The following ZNF609 variants were observed in gnomAD, a reference collection of about 807,000 sequenced individuals.
ZNF609 encodes zinc finger protein 609.
ZNF609 carries 11 observed loss-of-function variants against 109.5 expected under a neutral mutation model. The observed-to-expected ratio is 0.10, with a 90% CI of 0.06 to 0.17. The LOEUF is 0.17. Among genes scored for constraint, ZNF609 ranks in the 10% least tolerant of loss-of-function variants. The pLI is 1.00. For synonymous variants in ZNF609, 646 were observed against 662.0 expected (o/e 0.98, Z 0.37); for missense variants, 1,559 against 1,772.4 (o/e 0.88, Z 2.16).
intron 2 of ZNF609, among the ~76,000 whole-genome samples, chr15:64,520,860 C>T (rs951860467): frequency 6.6e-6 from 1 of 152,160 alleles, no homozygotes; most frequent in South Asian, 2.1e-4. Context: ...AATTATCAGC[C>T]GAAGAGATTA....
intron 3 of ZNF609, among the ~76,000 whole-genome samples, chr15:64,667,448 C>T (rs977015598): frequency 2.0e-5 from 3 of 152,148 alleles, no homozygotes; most frequent in Admixed American, 1.3e-4. Flanking sequence ...GTGGCTAACA[C>T]CTGTAATCCC....
intron 2 of ZNF609, among the ~76,000 whole-genome samples, chr15:64,549,082 C>T (rs1459346979): frequency 6.6e-6 from 1 of 152,108 alleles, no homozygotes; most frequent in Non-Finnish European, 1.5e-5. Flanking sequence ...CTAAATTCCA[C>T]ATTAAATTTT....
chr15:64,585,291 C>T (rs566723105), intron 2 of ZNF609, among the ~76,000 whole-genome samples: 5 of 152,178 alleles, frequency 3.3e-5, no homozygotes, highest in African/African-American at 7.2e-5. Context: ...TGTCACTGCA[C>T]TCCAGCCTGG....
intron 2 of ZNF609, among the ~76,000 whole-genome samples, chr15:64,554,631 C>G (rs377567320): frequency 2.1e-4 from 32 of 152,110 alleles, no homozygotes; most frequent in African/African-American, 7.2e-4. Flanking sequence ...GCATTCCAGA[C>G]TGGGCAACAG....
intron 3 of ZNF609, among the ~76,000 whole-genome samples, chr15:64,644,584 C>T (rs562235756): frequency 6.6e-6 from 1 of 152,174 alleles, no homozygotes; most frequent in Non-Finnish European, 1.5e-5. Context: ...TATACCTTTA[C>T]CAGAGCTTCT....
At position 64,499,742 on chromosome 15, in the gene ZNF609, T is replaced by C. The variant is rs755260717; in HGVS notation, c.323T>C (p.Leu108Pro). ...DTSKPTPGTS[L>P]FTPSEGAASK... ...AGCAAACCCACTCCAGGGACTTCCC[T>C]GTTCACTCCAAGTGAGGGGGCAGCT... Residue 108 changes from leucine to proline, a missense_variant, in exon 2 of 10, where the codon CTG (leucine) becomes CCG (proline). Leu to Pro is a moderately conservative substitution (Grantham distance 98). Transcript: ENST00000326648. 3.7e-6 allele frequency: 6 copies of C among 1,613,940 alleles called. No individual in the cohort carries two copies. Among genetic ancestry groups the C allele is most frequent in the East Asian group, 2.2e-5 (1 of 44,894 alleles).
At chr15:64,546,844 G>T (rs1300771516) in intron 2 of ZNF609, among the ~76,000 whole-genome samples, 6 of 143,398 alleles carry the variant, frequency 4.2e-5, no homozygotes, top group African/African-American at 1.6e-4. Flanking sequence ...AGGCTGGAGT[G>T]CAGTGGCGTG....
At position 64,515,575 on chromosome 15, in the gene ZNF609, G is replaced by T. The variant is rs10400913; in HGVS notation, c.747+15409G>T. 8.8e-3 allele frequency among the ~76,000 whole-genome samples: 1,340 copies of T among 152,196 alleles called. 24 individuals carry two copies. The highest frequency in any genetic ancestry group is 0.031 in the African/African-American group (1,278 of 41,522). ...GATCTTCTTTTTAAAGGGGGGAGGG[G>T]TAGGATAGAGGAGACTTAAAGGCTT... On this transcript the variant is annotated intron_variant, in intron 2 of 9. Coordinates refer to ENST00000326648, the MANE Select transcript of ZNF609 (RefSeq NM_015042.2).
intron 3 of ZNF609, among the ~76,000 whole-genome samples, chr15:64,651,147 T>G (rs769750920): frequency 1.3e-5 from 2 of 152,188 alleles, no homozygotes; most frequent in Non-Finnish European, 2.9e-5. Flanking sequence ...TAACTTTATG[T>G]AAGCCTGGTC....
In ZNF609 at chr15:64,683,390, G is replaced by A. The variant is rs1484294255; in HGVS notation, c.*1704G>A. 6.6e-6 allele frequency: 1 copy of A among 152,616 alleles called. No homozygotes were observed. Among genetic ancestry groups the A allele is most frequent in the East Asian group, 1.9e-4 (1 of 5,196 alleles). The allele number at this position is 152,616 out of a possible 1,614,324, so 9.5% of individuals were successfully genotyped here. Reference sequence around the variant, plus strand: ...CCAAGGACCCTGGAACCCTACACTTGAGAGGCTTAGGGTCACCATCTGCTC... The same window carrying A: ...CCAAGGACCCTGGAACCCTACACTTAAGAGGCTTAGGGTCACCATCTGCTC... On this transcript the variant is annotated 3_prime_UTR_variant, in exon 10 of 10. Transcript: ENST00000326648.
chr15:64,491,078 T>C lies in ZNF609; in HGVS notation c.-127-8215T>C, dbSNP rs140381634. Among the ~76,000 whole-genome samples, 373 of 152,364 alleles carry C rather than the reference T, an allele frequency of 2.4e-3. 5 individuals are homozygous for C. Among genetic ancestry groups the C allele is most frequent in the Admixed American group, 0.016 (249 of 15,306 alleles). On this transcript the variant is annotated intron_variant, in intron 1 of 9. Coordinates refer to ENST00000326648, the MANE Select transcript of ZNF609 (RefSeq NM_015042.2). ...CTTTATCTAATCTCCATTGGAGATA[T>C]AAGCTGAAAGCTATGGTACTTGAGG...
intron 2 of ZNF609, among the ~76,000 whole-genome samples, chr15:64,526,931 A>G (rs1234160509): frequency 2.0e-5 from 3 of 152,138 alleles, no homozygotes; most frequent in Non-Finnish European, 4.4e-5. Flanking sequence ...GATTACAGGC[A>G]TAAAGCACCG....
chr15:64,608,007 T>C (rs8024109), intron 2 of ZNF609, among the ~76,000 whole-genome samples: 6,872 of 148,368 alleles, frequency 0.046, 528 homozygotes, highest in African/African-American at 0.16. Context: ...CAAGCAATTC[T>C]CCTGCCTCAG....
At chr15:64,590,011 T>G (rs1895266256) in intron 2 of ZNF609, among the ~76,000 whole-genome samples, 1 of 152,166 alleles carries the variant, frequency 6.6e-6, no homozygotes, top group Non-Finnish European at 1.5e-5. Flanking sequence ...ATTATTCAAG[T>G]TTGCTAGAAA....
chr15:64,601,885 GAA>G (rs1895503336), intron 2 of ZNF609, among the ~76,000 whole-genome samples: 1 of 152,192 alleles, frequency 6.6e-6, no homozygotes. Flanking sequence ...TAGTATAGTG[GAA>G]AAGAGAATAA....
chr15:64,479,580 C>T (rs946885793), intron 1 of ZNF609, among the ~76,000 whole-genome samples: 1 of 151,848 alleles, frequency 6.6e-6, no homozygotes, highest in Non-Finnish European at 1.5e-5. Flanking sequence ...CATGAGCCAC[C>T]GCGCCTGGCC....
At chr15:64,538,380 T>A (rs1039591181) in intron 2 of ZNF609, among the ~76,000 whole-genome samples, 2 of 152,202 alleles carry the variant, frequency 1.3e-5, no homozygotes, top group Non-Finnish European at 2.9e-5. Context: ...ACTAAAATGT[T>A]TGAGGCTTTT....
intron 3 of ZNF609, among the ~76,000 whole-genome samples, chr15:64,667,330 A>T (rs1472329797): frequency 6.6e-6 from 1 of 152,214 alleles, no homozygotes; most frequent in Non-Finnish European, 1.5e-5. Flanking sequence ...CCAAATCAAA[A>T]AGTATTTTAT....
intron 2 of ZNF609, among the ~76,000 whole-genome samples, chr15:64,618,996 AG>A (rs1032699205): frequency 1.3e-5 from 2 of 152,122 alleles, no homozygotes; most frequent in Non-Finnish European, 2.9e-5. Context: ...AGCCCTAGCC[AG>A]GGACCATGCC....
Sources: allele counts gnomAD v4.1 joint callset (sites outside exome capture counted in the v4.1 genomes callset), GRCh38; gene constraint gnomAD v4.1.1; transcripts MANE v1.5; gene names NCBI Gene and HGNC (gene_info 2026-07-23, HGNC 2026-07-21).